The following ILK variants were observed in gnomAD, a reference collection of about 807,000 sequenced individuals.
ILK encodes the protein integrin linked kinase.
A neutral mutation model predicts 57.8 loss-of-function variants in ILK; 37 were observed. The ratio of observed to expected loss-of-function variants is 0.64; its 90% confidence interval spans 0.49 to 0.84. ILK has a LOEUF of 0.84. ILK is among the 40% of genes least tolerant of loss of function. The pLI is 0.00. For missense variants in ILK, 528 were observed against 595.7 expected, an observed-to-expected ratio of 0.89 and a Z score of 1.18; for synonymous variants, 231 against 202.2, an observed-to-expected ratio of 1.14 and a Z score of -1.21.
Position 6,608,131 on chromosome 11 carries a change from C to T in ILK, c.175C>T (p.Arg59Trp), listed in dbSNP as rs779428507. The T allele has an allele frequency of 2.5e-6, 4 of 1,614,046 alleles. No individual in the cohort carries two copies. The highest frequency in any genetic ancestry group is 1.6e-4 in the Middle Eastern group (1 of 6,062). Residue 59 changes from arginine (R) to tryptophan (W), a missense_variant, in exon 3 of 13, where the codon CGG (arginine) becomes TGG (tryptophan). Physicochemically the swap from Arg to Trp is moderately radical, Grantham distance 101. Transcript: ENST00000299421. This position sits in a 1 kb window ranked among gnomAD's most constrained non-coding sequence, Gnocchi z 4.9. The stretch of plus-strand genomic sequence containing the variant: ...TGAGATGTTGATCATGCGGGGGGCA[C>T]GGATCAATGTAATGAACCGTGGGGA... ...VVEMLIMRGA[R>W]INVMNRGDDT...
In ILK at chr11:6,608,836, C is replaced by G; in HGVS notation, c.448+46C>G. The G allele has an allele frequency of 6.2e-7, 1 of 1,612,588 alleles. No homozygotes were observed. Among genetic ancestry groups the G allele is most frequent in the East Asian group, 2.2e-5 (1 of 44,874 alleles). On this transcript the variant is annotated intron_variant, in intron 5 of 12. Transcript: ENST00000299421. The surrounding 1 kb of genome is among the most constrained non-coding windows in gnomAD (Gnocchi z 4.9). Reference sequence around the variant, plus strand: ...GCTTGTGTCCTCTCGTCCCTTCCCACCTGTCTTCTCCCTCTGTACCACAGC... The same window carrying G: ...GCTTGTGTCCTCTCGTCCCTTCCCAGCTGTCTTCTCCCTCTGTACCACAGC...
At position 6,604,322 on chromosome 11, in the gene ILK, C is replaced by T. The variant is rs1344019376; in HGVS notation, c.51C>T (p.Arg17=). 1 of 1,612,856 alleles carries T rather than the reference C, an allele frequency of 6.2e-7. No individual in the cohort carries two copies. Among genetic ancestry groups the T allele is most frequent in the East Asian group, 2.2e-5 (1 of 44,848 alleles). The change falls in exon 2 of 13, where the codon CGC becomes CGT. Residue 17 remains arginine (R), a synonymous_variant. Transcript: ENST00000299421. ...QCREGNAVAV[R]LWLDNTENDL... is the part of the protein sequence containing the mutation. ...GGGAGGGCAACGCAGTCGCCGTTCGCCTGTGGCTGGACAACACGGAGAACG... is the reference window on the plus strand; with the variant it reads ...GGGAGGGCAACGCAGTCGCCGTTCGTCTGTGGCTGGACAACACGGAGAACG...
intron 2 of ILK, 191 bp from the exon 3 acceptor site, chr11:6,607,855 G>A: frequency 1.6e-6 from 1 of 607,572 alleles, no homozygotes; most frequent in Non-Finnish European, 2.9e-6. Flanking sequence ...GAGATATCTA[G>A]GTGGTTGGTT....
chr11:6,605,892 T>C (rs547996021), intron 2 of ILK, among the ~76,000 whole-genome samples: 26 of 152,310 alleles, frequency 1.7e-4, no homozygotes, highest in African/African-American at 5.3e-4. Flanking sequence ...GATTGAAAAG[T>C]AGGCCGGGCG....
Position 6,604,370 on chromosome 11 carries a change from A to G in ILK, c.89+10A>G. The G allele has an allele frequency of 2.5e-6, 4 of 1,599,152 alleles. No individual in the cohort carries two copies. Among genetic ancestry groups the G allele is most frequent in the Non-Finnish European group, 3.4e-6 (4 of 1,172,730 alleles). On this transcript the variant is annotated intron_variant, in intron 2 of 12. Transcript: ENST00000299421. ...ACGACCTCAACCAGGGGTGAGCTGA[A>G]ACGGTTGGTGGATGAGAGGAAGGCT...
intron 11 of ILK, 34 bp downstream of exon 11, chr11:6,610,069 G>A (rs41310330): frequency 0.013 from 21,615 of 1,613,974 alleles, 169 homozygotes; most frequent in Non-Finnish European, 0.016. Flanking sequence ...AGGTAAAAAA[G>A]GACCACCTCA....
chr11:6,610,249 G>A lies in ILK; in HGVS notation c.1180G>A (p.Asp394Asn), dbSNP rs730880112. 7 of 1,614,112 alleles carry A rather than the reference G, an allele frequency of 4.3e-6. No individual in the cohort carries two copies. Among genetic ancestry groups the A allele is most frequent in the Admixed American group, 3.3e-5 (2 of 60,018 alleles). ...GGTGACACGGGAGGTACCCTTTGCT[G>A]ACCTCTCCAATATGGAGATTGGAAT... ...ELVTREVPFA[D>N]LSNMEIGMKV... The change falls in exon 12 of 13, where the codon GAC becomes AAC. Residue 394 changes from aspartate to asparagine, a missense_variant. By Grantham distance (23) the Asp-to-Asn change is conservative. Coordinates refer to ENST00000299421, the MANE Select transcript of ILK (RefSeq NM_004517.4).
chr11:6,608,184 T>G lies in ILK; in HGVS notation c.228T>G (p.Ser76Arg), dbSNP rs759535056. Residue 76 changes from serine (S) to arginine (R), a missense_variant, in exon 3 of 13, where the codon AGT (serine) becomes AGG (arginine). Coordinates refer to ENST00000299421, the MANE Select transcript of ILK (RefSeq NM_004517.4). This position sits in a 1 kb window ranked among gnomAD's most constrained non-coding sequence, Gnocchi z 4.9. ...ACACCCCCCTGCATCTGGCAGCCAG[T>G]CATGGACACCGTGATATTGTACAGA... is the stretch of plus-strand genomic sequence containing the variant. ...GDDTPLHLAA[S>R]HGHRDIVQKL... The G allele has an allele frequency of 2.8e-5, 45 of 1,614,134 alleles. No homozygotes were observed. The highest frequency in any genetic ancestry group is 3.8e-5 in the Non-Finnish European group (45 of 1,180,028).
Position 6,608,433 on chromosome 11 carries a change from C to T in ILK, c.295C>T (p.His99Tyr), listed in dbSNP as rs1429815250. ...GGCAGACATCAATGCAGTGAATGAA[C>T]ACGGGAATGTGCCCCTGCACTATGC... ...YKADINAVNE[H>Y]GNVPLHYACF... The change falls in exon 4 of 13, where the codon CAC (histidine) becomes TAC (tyrosine). Residue 99 changes from histidine to tyrosine, a missense_variant. His to Tyr is a moderately conservative substitution (Grantham distance 83, BLOSUM62 2). Transcript: ENST00000299421. The surrounding 1 kb of genome is among the most constrained non-coding windows in gnomAD (Gnocchi z 4.9). 3 of 1,614,182 alleles carry T rather than the reference C, an allele frequency of 1.9e-6. No homozygotes were observed. The highest frequency in any genetic ancestry group is 1.1e-5 in the South Asian group (1 of 91,084).
rs746935940 is a variant in ILK at position 6,608,723 on chromosome 11, C to T, written c.381C>T (p.Ser127=). ...EDLVANGALV[S]ICNKYGEMPV... is the part of the protein sequence containing the mutation. Reference sequence around the variant, plus strand: ...TGGTGGCAAATGGGGCCCTTGTCAGCATCTGTAACAAGTATGGAGAGATGC... The same window carrying T: ...TGGTGGCAAATGGGGCCCTTGTCAGTATCTGTAACAAGTATGGAGAGATGC... Residue 127 remains serine, a synonymous_variant, in exon 5 of 13, where the codon AGC becomes AGT. Transcript: ENST00000299421. This position sits in a 1 kb window ranked among gnomAD's most constrained non-coding sequence, Gnocchi z 4.9. The T allele has an allele frequency of 6.2e-7, 1 of 1,614,056 alleles. No homozygotes were observed. Among genetic ancestry groups the T allele is most frequent in the South Asian group, 1.1e-5 (1 of 91,082 alleles).
rs1854597759 is a variant in ILK, at chr11:6,604,296, C to A, written c.25C>A (p.Arg9=). ...TATGGACGACATTTTCACTCAGTGC[C>A]GGGAGGGCAACGCAGTCGCCGTTCG... MDDIFTQC[R]EGNAVAVRLW... is the part of the protein sequence containing the mutation. Residue 9 remains arginine (R), a synonymous_variant, in exon 2 of 13, where the codon CGG becomes AGG. Transcript: ENST00000299421. The A allele has an allele frequency of 2.5e-6, 4 of 1,612,696 alleles. No homozygotes were observed. The highest frequency in any genetic ancestry group is 2.5e-6 in the Non-Finnish European group (3 of 1,179,724).
chr11:6,604,848 T>C (rs890166103), intron 2 of ILK: 7 of 456,780 alleles, frequency 1.5e-5, no homozygotes, highest in African/African-American at 1.2e-4. Flanking sequence ...TTGTCCATTT[T>C]TCAGTATCGT....
At chr11:6,607,767 CA>C (rs1278790344) in intron 2 of ILK, 1 of 473,656 alleles carries the variant, frequency 2.1e-6, no homozygotes, top group Non-Finnish European at 3.9e-6. Context: ...CAAGAGAAAC[CA>C]GGGGAAGAGC....
In ILK at chr11:6,609,823, C is replaced by T; in HGVS notation, c.956C>T (p.Ala319Val). ...CTAGAGCCCCTCATCCCACGACATG[C>T]ACTCAATAGCCGTAGTGTAATGGTG... ...HTLEPLIPRH[A>V]LNSRSVMIDE... The change falls in exon 10 of 13, where the codon GCA becomes GTA. Residue 319 changes from alanine (A) to valine (V), a missense_variant. Transcript: ENST00000299421. 1 of 1,614,248 alleles carries T rather than the reference C, an allele frequency of 6.2e-7. No homozygotes were observed. The highest frequency in any genetic ancestry group is 1.1e-5 in the South Asian group (1 of 91,088).
rs1281514185 is a variant in ILK at position 6,609,919 on chromosome 11, T to C, written c.979-17T>C. 1 of 1,614,068 alleles carries C rather than the reference T, an allele frequency of 6.2e-7. No individual in the cohort carries two copies. The highest frequency in any genetic ancestry group is 1.3e-5 in the African/African-American group (1 of 74,942). Reference sequence around the variant, plus strand: ...TATCTATGACTTACCTCCTTCTATCTGTTTTCTCTTCCTCAGATTGATGAG... The same window carrying C: ...TATCTATGACTTACCTCCTTCTATCCGTTTTCTCTTCCTCAGATTGATGAG... On this transcript the variant is annotated splice_polypyrimidine_tract_variant and intron_variant, in intron 10 of 12. Coordinates refer to ENST00000299421, the MANE Select transcript of ILK (RefSeq NM_004517.4).
Position 6,609,361 on chromosome 11 carries a change from G to T in ILK, c.681G>T (p.Trp227Cys). ...TGAAGGTGCTGAAGGTTCGAGACTG[G>T]AGTACAAGGAAGAGCAGGGACTTCA... is the stretch of plus-strand genomic sequence containing the variant. ...IVVKVLKVRDWSTRKSRDFNE... is the reference protein window; with the variant it reads ...IVVKVLKVRDCSTRKSRDFNE... The change falls in exon 8 of 13, where the codon TGG becomes TGT. Residue 227 changes from tryptophan to cysteine, a missense_variant. Coordinates refer to ENST00000299421, the MANE Select transcript of ILK (RefSeq NM_004517.4). 1 of 1,614,172 alleles carries T rather than the reference G, an allele frequency of 6.2e-7. No homozygotes were observed. Among genetic ancestry groups the T allele is most frequent in the Non-Finnish European group, 8.5e-7 (1 of 1,180,040 alleles).
intron 2 of ILK, among the ~76,000 whole-genome samples, chr11:6,605,903 C>T (rs960747354): frequency 4.6e-5 from 7 of 152,308 alleles, no homozygotes; most frequent in Admixed American, 6.5e-5. Flanking sequence ...AGGCCGGGCG[C>T]GGTGGCTCAC....
At position 6,608,590 on chromosome 11, in the gene ILK, G is replaced by A. The variant is rs915694553; in HGVS notation, c.351+101G>A. On this transcript the variant is annotated intron_variant, in intron 4 of 12. Coordinates refer to ENST00000299421, the MANE Select transcript of ILK (RefSeq NM_004517.4). This position sits in a 1 kb window ranked among gnomAD's most constrained non-coding sequence, Gnocchi z 4.9. Reference sequence around the variant, plus strand: ...CAACCCATTCTGTCAGTACTACTGTGTGACACTTACAGGATTAAGTTCTAC... The same window carrying A: ...CAACCCATTCTGTCAGTACTACTGTATGACACTTACAGGATTAAGTTCTAC... 27 of 1,336,292 alleles carry A rather than the reference G, an allele frequency of 2.0e-5. No homozygotes were observed. Among genetic ancestry groups the A allele is most frequent in the Non-Finnish European group, 2.5e-5 (23 of 926,890 alleles). 82.8% of individuals were successfully genotyped at this position (1,336,292 alleles called of 1,614,324 possible). A position where few individuals can be genotyped will look rare whatever the true frequency, so the allele number is the denominator to read the frequency against.
At position 6,609,287 on chromosome 11, in the gene ILK, C is replaced by A. The variant is rs1300032922; in HGVS notation, c.619-12C>A. 6 of 1,612,902 alleles carry A rather than the reference C, an allele frequency of 3.7e-6. No individual in the cohort carries two copies. In the African/African-American group the frequency reaches 6.7e-5, roughly 18 times the overall value. On this transcript the variant is annotated splice_polypyrimidine_tract_variant and intron_variant, in intron 7 of 12. Transcript: ENST00000299421. ...AACATTTCAAGCCTCCTAACCCCTACCTGTCCTGCAGCTATGGAAGGGCCG... is the reference window on the plus strand; with the variant it reads ...AACATTTCAAGCCTCCTAACCCCTAACTGTCCTGCAGCTATGGAAGGGCCG...
Sources: gnomAD v4.1 joint callset for allele counts (sites outside exome capture counted in the v4.1 genomes callset) on GRCh38, gnomAD v4.1.1 for gene constraint, Gnocchi (gnomAD v3.1) non-coding constraint, MANE v1.5 for transcripts, NCBI Gene and HGNC (gene_info 2026-07-23, HGNC 2026-07-21) for gene names.